The following TSHZ2 variants were observed in gnomAD, a reference collection of about 807,000 sequenced individuals.
TSHZ2 encodes the protein teashirt homolog 2.
A neutral mutation model predicts 74.4 loss-of-function variants in TSHZ2; 21 were observed. The ratio of observed to expected loss-of-function variants is 0.28; its 90% CI spans 0.20 to 0.41. The LOEUF (loss-of-function observed/expected upper bound fraction) is 0.41. TSHZ2 is among the 10% of genes least tolerant of loss of function. The pLI is 1.00. For missense variants in TSHZ2, 1,244 were observed against 1,293.5 expected, an observed-to-expected ratio of 0.96 and a Z score of 0.59; for synonymous variants, 540 against 515.3, an observed-to-expected ratio of 1.05 and a Z score of -0.65.
At chr20:53,432,327 G>C (rs149547754) in intron 2 of TSHZ2, among the ~76,000 whole-genome samples, 144 of 152,326 alleles carry the variant, frequency 9.5e-4, no homozygotes, top group African/African-American at 3.2e-3. Flanking sequence ...TGGCTAAGTA[G>C]TATTCCATGC....
chr20:53,431,226 C>T (rs140966051), intron 2 of TSHZ2, among the ~76,000 whole-genome samples: 44 of 151,822 alleles, frequency 2.9e-4, no homozygotes, highest in Non-Finnish European at 4.4e-4. Flanking sequence ...TTTGGGAGGC[C>T]GAGGCAGATC....
At chr20:53,035,043 CA>C (rs1983768705) in intron 1 of TSHZ2, among the ~76,000 whole-genome samples, 2 of 152,086 alleles carry the variant, frequency 1.3e-5, no homozygotes, top group Non-Finnish European at 2.9e-5. Context: ...AAGAGGATGG[CA>C]GTGGTGAGGG....
rs1453232066 is a variant in TSHZ2, at chr20:53,256,244, G to A, written c.2786G>A (p.Ser929Asn). 1.2e-6 allele frequency: 2 copies of A among 1,614,016 alleles called. No homozygotes were observed. Among genetic ancestry groups the A allele is most frequent in the African/African-American group, 1.3e-5 (1 of 75,026 alleles). Reference sequence around the variant, plus strand: ...AAAGGCCACCCCATCTTTTATTGCAGTGACTGTGCCTCCCAGTTCAGAACC... The same window carrying A: ...AAAGGCCACCCCATCTTTTATTGCAATGACTGTGCCTCCCAGTTCAGAACC... ...MDKGHPIFYC[S>N]DCASQFRTPS... The change falls in exon 2 of 3, where the codon AGT (serine) becomes AAT (asparagine). Residue 929 changes from serine to asparagine, a missense_variant. Physicochemically the swap from Ser to Asn is conservative, Grantham distance 46. Transcript: ENST00000371497. This position sits in a 1 kb window ranked among gnomAD's most constrained non-coding sequence, Gnocchi z 4.3.
At chr20:53,143,702 A>G (rs1987468776) in intron 1 of TSHZ2, among the ~76,000 whole-genome samples, 1 of 151,950 alleles carries the variant, frequency 6.6e-6, no homozygotes, top group South Asian at 2.1e-4. Flanking sequence ...AAAAAAATAA[A>G]TAAATAAATA....
chr20:53,361,071 C>A (rs2145603828), intron 2 of TSHZ2, among the ~76,000 whole-genome samples: 1 of 152,292 alleles, frequency 6.6e-6, no homozygotes, highest in East Asian at 1.9e-4. Flanking sequence ...GCCCGCCCAG[C>A]CCCCAGGATT....
chr20:53,335,940 G>C (rs1198747883), intron 2 of TSHZ2, among the ~76,000 whole-genome samples: 1 of 152,144 alleles, frequency 6.6e-6, no homozygotes, highest in Non-Finnish European at 1.5e-5. Context: ...AATTAACATG[G>C]GGAGTCTAAT....
chr20:52,979,516 T>C (rs1981481293), intron 1 of TSHZ2, among the ~76,000 whole-genome samples: 1 of 152,210 alleles, frequency 6.6e-6, no homozygotes, highest in Non-Finnish European at 1.5e-5. Context: ...AAAGACATTA[T>C]ATACATACAC....
chr20:53,167,096 G>T (rs972651561), intron 1 of TSHZ2, among the ~76,000 whole-genome samples: 2 of 152,300 alleles, frequency 1.3e-5, no homozygotes, highest in Admixed American at 1.3e-4. Flanking sequence ...AGGTACAAAG[G>T]TCCTGGGGTG....
intron 1 of TSHZ2, among the ~76,000 whole-genome samples, chr20:53,042,265 A>C (rs999145630): frequency 6.6e-6 from 1 of 152,178 alleles, no homozygotes; most frequent in Non-Finnish European, 1.5e-5. Flanking sequence ...TTTTAGGATC[A>C]TCTGAAGTTC....
intron 2 of TSHZ2, among the ~76,000 whole-genome samples, chr20:53,269,126 G>C (rs1269499837): frequency 6.6e-6 from 1 of 152,166 alleles, no homozygotes; most frequent in Admixed American, 6.5e-5. Context: ...GTCAGATAGT[G>C]TACAGGGGTG....
intron 1 of TSHZ2, among the ~76,000 whole-genome samples, chr20:53,087,306 C>T (rs764986311): frequency 1.3e-5 from 2 of 152,196 alleles, no homozygotes; most frequent in Admixed American, 6.5e-5. Flanking sequence ...TTCACGTTTC[C>T]GTTACTGTAG....
At chr20:53,068,404 G>A (rs1389079377) in intron 1 of TSHZ2, among the ~76,000 whole-genome samples, 1 of 151,892 alleles carries the variant, frequency 6.6e-6, no homozygotes, top group Non-Finnish European at 1.5e-5. Flanking sequence ...TTTTTGAATT[G>A]CTGTGCCACT....
chr20:53,304,190 TCCCCCCA>T (rs1978424778), intron 2 of TSHZ2, among the ~76,000 whole-genome samples: 1 of 57,632 alleles, frequency 1.7e-5, no homozygotes, highest in African/African-American at 6.9e-5. Context: ...CCCTCCCCCC[TCCCCCCA>T]CCCCACAACA....
At chr20:53,162,032 C>G (rs557990983) in intron 1 of TSHZ2, among the ~76,000 whole-genome samples, 37 of 152,272 alleles carry the variant, frequency 2.4e-4, no homozygotes, top group Middle Eastern at 3.4e-3. Context: ...TATGGCAAAT[C>G]TGAACCTCAA....
chr20:53,308,207 C>G (rs574291308), intron 2 of TSHZ2, among the ~76,000 whole-genome samples: 1 of 152,302 alleles, frequency 6.6e-6, no homozygotes, highest in African/African-American at 2.4e-5. Context: ...TTAGGTTCCT[C>G]AAGTTTCTCT....
intron 1 of TSHZ2, among the ~76,000 whole-genome samples, chr20:53,084,677 C>G (rs6068455): frequency 1.6e-5 from 1 of 62,168 alleles, no homozygotes; most frequent in Non-Finnish European, 3.1e-5. Context: ...TTCTCTCCCT[C>G]CCTCCCTCCC....
intron 2 of TSHZ2, among the ~76,000 whole-genome samples, chr20:53,386,716 T>G (rs536574054): frequency 4.7e-4 from 72 of 152,230 alleles, no homozygotes; most frequent in Non-Finnish European, 7.1e-4. Context: ...AGAAAATGGC[T>G]TCGGTGTAAG....
chr20:53,463,140 A>G (rs1252100265), intron 2 of TSHZ2, among the ~76,000 whole-genome samples: 3 of 152,236 alleles, frequency 2.0e-5, no homozygotes, highest in African/African-American at 7.2e-5. Flanking sequence ...TGGATTGTAC[A>G]TAAGATTTGC....
intron 2 of TSHZ2, among the ~76,000 whole-genome samples, chr20:53,285,387 T>G (rs114485910): frequency 6.6e-6 from 1 of 152,066 alleles, no homozygotes; most frequent in Non-Finnish European, 1.5e-5. Flanking sequence ...CTTTATGAAA[T>G]TTTTTTGCAG....
Sources: gnomAD v4.1 joint callset for allele counts (sites outside exome capture counted in the v4.1 genomes callset) on GRCh38, gnomAD v4.1.1 for gene constraint, Gnocchi (gnomAD v3.1) non-coding constraint, MANE v1.5 for transcripts, NCBI Gene and HGNC (gene_info 2026-07-23, HGNC 2026-07-21) for gene names.